The following BMPER variants were observed in gnomAD, a reference collection of about 807,000 sequenced individuals.
BMPER encodes BMP binding endothelial regulator.
A neutral mutation model predicts 87.3 loss-of-function variants in BMPER; 45 were observed. That is an observed-to-expected ratio of 0.52 (90% CI 0.41 to 0.66). The LOEUF (loss-of-function observed/expected upper bound fraction) is 0.66. Among genes scored for constraint, BMPER ranks in the 30% least tolerant of loss-of-function variants. BMPER has a pLI of 0.00. For synonymous variants in BMPER, 326 were observed against 316.2 expected (o/e 1.03, Z -0.33); for missense variants, 784 against 867.5 (o/e 0.90, Z 1.21).
At chr7:34,053,842 T>C (rs74629737) in intron 8 of BMPER, among the ~76,000 whole-genome samples, 1 of 152,286 alleles carries the variant, frequency 6.6e-6, no homozygotes, top group African/African-American at 2.4e-5. Flanking sequence ...TGAGTGTAAG[T>C]GGACCCATGC....
intron 3 of BMPER, among the ~76,000 whole-genome samples, chr7:33,956,986 G>T (rs1785162730): frequency 6.6e-6 from 1 of 152,116 alleles, no homozygotes. Context: ...CATTGCTGGT[G>T]AAAATGTCAA....
intron 6 of BMPER, among the ~76,000 whole-genome samples, chr7:34,011,060 A>G (rs958490396): frequency 1.3e-5 from 2 of 151,860 alleles, no homozygotes; most frequent in Admixed American, 6.6e-5. Context: ...TTGGGCATAT[A>G]TGGTGTTTTC....
intron 3 of BMPER, among the ~76,000 whole-genome samples, chr7:33,953,570 A>G (rs917606691): frequency 7.2e-5 from 11 of 152,160 alleles, no homozygotes; most frequent in East Asian, 3.9e-4. Flanking sequence ...CCTGAGCCCT[A>G]CTCCAGACCA....
intron 3 of BMPER, among the ~76,000 whole-genome samples, chr7:33,947,981 G>T (rs1162372696): frequency 6.6e-6 from 1 of 152,084 alleles, no homozygotes; most frequent in African/African-American, 2.4e-5. Flanking sequence ...AGAGTGAATT[G>T]TTTTATTGTT....
chr7:34,012,943 A>G (rs1351875701), intron 6 of BMPER, among the ~76,000 whole-genome samples: 1 of 151,970 alleles, frequency 6.6e-6, no homozygotes, highest in Non-Finnish European at 1.5e-5. Context: ...TTACTAGCTC[A>G]CATGTTTTTG....
At chr7:34,113,680 C>G (rs558477886) in intron 13 of BMPER, among the ~76,000 whole-genome samples, 2 of 152,012 alleles carry the variant, frequency 1.3e-5, no homozygotes, top group East Asian at 3.9e-4. Flanking sequence ...CGCCAGGTAG[C>G]GTGCCACAGG....
At chr7:34,051,414 ATTC>A (rs1195375119) in intron 7 of BMPER, among the ~76,000 whole-genome samples, 2 of 152,138 alleles carry the variant, frequency 1.3e-5, no homozygotes, top group African/African-American at 2.4e-5. Context: ...AATTTTACTC[ATTC>A]TTTAAGAAGC....
intron 13 of BMPER, among the ~76,000 whole-genome samples, chr7:34,097,219 A>T (rs1055348837): frequency 3.9e-5 from 6 of 152,182 alleles, no homozygotes; most frequent in Admixed American, 2.0e-4. Context: ...ACAAAGGAAA[A>T]TATTCCAGCC....
chr7:34,042,589 G>A (rs915998274), intron 6 of BMPER: 3 of 152,070 alleles, frequency 2.0e-5, no homozygotes, highest in African/African-American at 7.2e-5. Flanking sequence ...CCAATAAAAC[G>A]CAACGGTAAG....
chr7:33,988,736 C>G (rs1028963861), intron 6 of BMPER, among the ~76,000 whole-genome samples: 5 of 150,788 alleles, frequency 3.3e-5, no homozygotes, highest in South Asian at 2.1e-4. Context: ...TCTAGCATTA[C>G]GTATATCTCC....
chr7:34,151,612 C>G (rs1791178710), intron 14 of BMPER, among the ~76,000 whole-genome samples: 1 of 152,162 alleles, frequency 6.6e-6, no homozygotes, highest in African/African-American at 2.4e-5. Context: ...ACTAACTCAT[C>G]CCTCTGCTGG....
At chr7:34,068,673 C>T (rs930769690) in intron 11 of BMPER, among the ~76,000 whole-genome samples, 4 of 152,124 alleles carry the variant, frequency 2.6e-5, no homozygotes, top group African/African-American at 9.7e-5. Flanking sequence ...AAGTGAAGAT[C>T]TCCCCAAATT....
chr7:34,060,020 A>G (rs900186685), intron 10 of BMPER, among the ~76,000 whole-genome samples: 2 of 152,106 alleles, frequency 1.3e-5, no homozygotes, highest in Non-Finnish European at 2.9e-5. Flanking sequence ...CTGAGATTTT[A>G]TAGTGACAAC....
intron 2 of BMPER, among the ~76,000 whole-genome samples, chr7:33,924,483 G>A (rs923676345): frequency 5.3e-5 from 8 of 151,956 alleles, no homozygotes; most frequent in East Asian, 1.9e-4. Context: ...CCCTCTCACC[G>A]TGCTCCAGCT....
At chr7:34,150,974 A>T (rs12539935) in intron 14 of BMPER, among the ~76,000 whole-genome samples, 91,225 of 151,932 alleles carry the variant, frequency 0.6, 27,787 homozygotes, top group East Asian at 0.8. Context: ...CATCCATCCC[A>T]TCCACACAGA....
At chr7:34,049,890 T>C (rs995319850) in intron 7 of BMPER, among the ~76,000 whole-genome samples, 13 of 152,174 alleles carry the variant, frequency 8.5e-5, no homozygotes, top group African/African-American at 3.1e-4. Flanking sequence ...ATTTTTATAG[T>C]AAATACAAAA....
At chr7:34,003,409 T>C (rs566191373) in intron 6 of BMPER, among the ~76,000 whole-genome samples, 2 of 152,094 alleles carry the variant, frequency 1.3e-5, no homozygotes, top group Admixed American at 1.3e-4. Context: ...GTCATACAAA[T>C]CGCACTCTAT....
intron 6 of BMPER, among the ~76,000 whole-genome samples, chr7:33,978,414 G>A (rs1257355240): frequency 1.3e-5 from 2 of 152,226 alleles, no homozygotes; most frequent in African/African-American, 4.8e-5. Flanking sequence ...CACCATGTGA[G>A]CTACCATTGT....
At chr7:34,045,623 A>G (rs1203572730) in intron 6 of BMPER, among the ~76,000 whole-genome samples, 1 of 152,202 alleles carries the variant, frequency 6.6e-6, no homozygotes, top group Non-Finnish European at 1.5e-5. Context: ...ATAATCTTAT[A>G]ATTAATTAGT....
Sources: allele counts gnomAD v4.1 joint callset (sites outside exome capture counted in the v4.1 genomes callset), GRCh38; gene constraint gnomAD v4.1.1; transcripts MANE v1.5; gene names NCBI Gene and HGNC (gene_info 2026-07-23, HGNC 2026-07-21).